The following DENND5A variants were observed in gnomAD, a reference collection of about 807,000 sequenced individuals.
DENND5A encodes the protein DENN domain containing 5A.
DENND5A carries 64 observed loss-of-function variants against 140.3 expected under a neutral mutation model. The ratio of observed to expected loss-of-function variants is 0.46; its 90% CI spans 0.37 to 0.56. The LOEUF is 0.56. DENND5A is among the 20% of genes least tolerant of loss of function. DENND5A has a pLI of 0.00. For missense variants in DENND5A, 1,292 were observed against 1,593.8 expected, an observed-to-expected ratio of 0.81 and a Z score of 3.22; for synonymous variants, 605 against 607.7, an observed-to-expected ratio of 1.00 and a Z score of 0.07.
Position 9,139,864 on chromosome 11 carries a change from C to T in DENND5A, c.3681-10G>A, listed in dbSNP as rs201358868. On this transcript the variant is annotated splice_polypyrimidine_tract_variant and intron_variant, in intron 22 of 22. Transcript: ENST00000328194. ...GTGTAGGAGGTGATCTCTGGCAGAG[C>T]GGGAGCAGTCCAGGCAGGTCAGAGG... 25 of 1,612,820 alleles carry T rather than the reference C, an allele frequency of 1.6e-5. No individual in the cohort carries two copies. Among genetic ancestry groups the T allele is most frequent in the African/African-American group, 1.5e-4 (11 of 74,854 alleles).
Position 9,178,273 on chromosome 11 carries a change from T to C in DENND5A, c.1765A>G (p.Ile589Val), listed in dbSNP as rs1488939951. The C allele has an allele frequency of 6.2e-7, 1 of 1,613,912 alleles. No homozygotes were observed. Among genetic ancestry groups the C allele is most frequent in the Non-Finnish European group, 8.5e-7 (1 of 1,179,832 alleles). The part of the protein sequence containing the change: ...QMFASFIDNK[I>V]MCHDDDDKDP... Reference sequence around the variant, plus strand: ...TTATCATCATCATCATGACACATTATTTTGTTGTCAATGAAAGATGCAAAC... The same window carrying C: ...TTATCATCATCATCATGACACATTACTTTGTTGTCAATGAAAGATGCAAAC... Residue 589 changes from isoleucine (I) to valine (V), a missense_variant, in exon 8 of 23, where the codon ATA becomes GTA. Ile to Val is a conservative substitution (Grantham distance 29). Around this residue, in one of 4 missense-constraint regions of DENND5A, gnomAD observed 199 missense variants for 189.1 expected, o/e 1.05. Transcript: ENST00000328194.
chr11:9,186,471 C>T (rs974302430), intron 5 of DENND5A, among the ~76,000 whole-genome samples: 3 of 152,172 alleles, frequency 2.0e-5, no homozygotes, highest in African/African-American at 7.2e-5. Context: ...CCTCAGTTAC[C>T]CTCTCCTCAG....
In DENND5A at chr11:9,151,287, T is replaced by C. The variant is rs552373611; in HGVS notation, c.2522-523A>G. Among the ~76,000 whole-genome samples the C allele has an allele frequency of 7.9e-5, 12 of 152,346 alleles. 1 individual carries two copies. In the South Asian group the frequency reaches 2.5e-3, roughly 32 times the overall value. On this transcript the variant is annotated intron_variant, in intron 13 of 22. Coordinates refer to ENST00000328194, the MANE Select transcript of DENND5A (RefSeq NM_015213.4). The stretch of plus-strand genomic sequence containing the variant: ...ACCTCTAGGAGAAGAGAAGATATAA[T>C]ACCTTTATATCCTCATGTCTGGCCT...
rs1849775607 is a variant in DENND5A, at chr11:9,208,822, C to T, written c.110-1190G>A. ...CCCTCAAAATACATTTGGTAATCTT[C>T]ACTAAAGACTGGCAAAAATCAGCAG... On this transcript the variant is annotated intron_variant, in intron 1 of 22. Transcript: ENST00000328194. Among the ~76,000 whole-genome samples, 3 of 92,266 alleles carry T rather than the reference C, an allele frequency of 3.3e-5. No homozygotes were observed. In the Admixed American group the frequency reaches 3.7e-4, roughly 11 times the overall value. The allele number at this position is 92,266 out of a possible 152,430, so 60.5% of individuals were successfully genotyped here.
At chr11:9,200,183 C>T (rs995797695) in intron 4 of DENND5A, among the ~76,000 whole-genome samples, 13 of 152,162 alleles carry the variant, frequency 8.5e-5, no homozygotes, top group East Asian at 3.9e-4. Context: ...CTTTCCTTGC[C>T]TCTAAACACC....
chr11:9,240,544 T>C (rs1009355881), intron 1 of DENND5A, among the ~76,000 whole-genome samples: 15 of 151,752 alleles, frequency 9.9e-5, no homozygotes, highest in African/African-American at 3.4e-4. Context: ...AACCCATCGC[T>C]AGAAAAAAGA....
intron 11 of DENND5A, among the ~76,000 whole-genome samples, chr11:9,163,968 C>T (rs762772188): frequency 1.4e-5 from 2 of 148,098 alleles, no homozygotes; most frequent in Non-Finnish European, 3.0e-5. Flanking sequence ...AGAAGTTTTA[C>T]ACAAACACAC....
rs1186327083 is a variant in DENND5A at position 9,193,612 on chromosome 11, A to C, written c.1019T>G (p.Val340Gly). The change falls in exon 5 of 23, where the codon GTC (valine) becomes GGC (glycine). Residue 340 changes from valine (V) to glycine (G), a missense_variant. This residue lies in a region of DENND5A where 566 missense variants were observed against 650.4 expected (regional missense o/e 0.87). Coordinates refer to ENST00000328194, the MANE Select transcript of DENND5A (RefSeq NM_015213.4). ...ALMFPFQWQHVYVPILPASLL... is the reference protein window; with the variant it reads ...ALMFPFQWQHGYVPILPASLL... ...AGAAGCTGGGAGAATAGGGACATAG[A>C]CATGCTGCCACTGGAAAGGAAACAT... is the stretch of plus-strand genomic sequence containing the variant. 3 of 1,613,984 alleles carry C rather than the reference A, an allele frequency of 1.9e-6. No homozygotes were observed. The highest frequency in any genetic ancestry group is 2.5e-6 in the Non-Finnish European group (3 of 1,179,998).
chr11:9,185,006 C>T (rs1260362479), intron 5 of DENND5A, among the ~76,000 whole-genome samples: 3 of 152,158 alleles, frequency 2.0e-5, no homozygotes, highest in African/African-American at 7.2e-5. Context: ...GCCTGACCAA[C>T]ATGGCGAAAC....
intron 8 of DENND5A, among the ~76,000 whole-genome samples, chr11:9,172,854 C>A (rs187985276): frequency 1.3e-5 from 2 of 151,946 alleles, no homozygotes; most frequent in African/African-American, 4.8e-5. Context: ...CTCATTCTGT[C>A]GCCCGGGCTA....
At chr11:9,159,719 T>G (rs997532458) in intron 12 of DENND5A, among the ~76,000 whole-genome samples, 10 of 152,246 alleles carry the variant, frequency 6.6e-5, no homozygotes, top group African/African-American at 2.4e-4. Context: ...AAGAACTGTT[T>G]AACATTTTGA....
intron 1 of DENND5A, among the ~76,000 whole-genome samples, chr11:9,219,207 G>A (rs1022116805): frequency 1.3e-5 from 2 of 152,086 alleles, no homozygotes; most frequent in African/African-American, 4.8e-5. Context: ...AACTGAAAGT[G>A]CTCTTCAAGG....
chr11:9,142,408 T>TG (rs1261251676), intron 21 of DENND5A, among the ~76,000 whole-genome samples: 2 of 152,228 alleles, frequency 1.3e-5, no homozygotes, highest in Non-Finnish European at 2.9e-5. Flanking sequence ...ACACAGGGCT[T>TG]GGGGCTCCAA....
At chr11:9,179,173 C>T (rs569287744) in intron 6 of DENND5A, 100 bp from the exon 7 acceptor site, 4 of 999,654 alleles carry the variant, frequency 4.0e-6, no homozygotes, top group Non-Finnish European at 6.0e-6. Flanking sequence ...TTTTACAGTG[C>T]TAATTTACTT....
rs1297357053 is a variant in DENND5A at position 9,197,438 on chromosome 11, G to A, written c.950-3757C>T. 2.7e-5 allele frequency among the ~76,000 whole-genome samples: 4 copies of A among 150,590 alleles called. No homozygotes were observed. The Admixed American group carries it at 2.7e-4, about 10-fold the overall frequency. ...GGGCTGAGTGCAGTGGCTCACGCCT[G>A]TAATCCCAACACTTTGGGAGGCCAA... On this transcript the variant is annotated intron_variant, in intron 4 of 22. Coordinates refer to ENST00000328194, the MANE Select transcript of DENND5A (RefSeq NM_015213.4).
At chr11:9,243,706 T>G (rs886645477) in intron 1 of DENND5A, among the ~76,000 whole-genome samples, 4 of 152,062 alleles carry the variant, frequency 2.6e-5, no homozygotes, top group African/African-American at 9.7e-5. Context: ...GCCAATATGG[T>G]GAAACCCTGT....
At chr11:9,225,607 A>C (rs1850498709) in intron 1 of DENND5A, among the ~76,000 whole-genome samples, 1 of 152,078 alleles carries the variant, frequency 6.6e-6, no homozygotes, top group Admixed American at 6.6e-5. Context: ...TAAAAATACA[A>C]AAAAAATCAG....
At chr11:9,167,107 A>ATG (rs1297689507) in intron 10 of DENND5A, among the ~76,000 whole-genome samples, 1 of 152,166 alleles carries the variant, frequency 6.6e-6, no homozygotes, top group African/African-American at 2.4e-5. Context: ...TCTTCTTCAT[A>ATG]TGTTGTTTAA....
In DENND5A at chr11:9,145,345, G is replaced by A; in HGVS notation, c.3004-232C>T. The stretch of plus-strand genomic sequence containing the variant: ...AGAAGAACAGGGTCAGGGAGCAAGA[G>A]ATTCTGGAAGTGGGTTCTGAGGTCT... On this transcript the variant is annotated intron_variant, in intron 17 of 22. Coordinates refer to ENST00000328194, the MANE Select transcript of DENND5A (RefSeq NM_015213.4). 5.1e-6 allele frequency: 3 copies of A among 587,600 alleles called. No homozygotes were observed. In the South Asian group the frequency reaches 6.5e-5, roughly 13 times the overall value. 36.4% of individuals were successfully genotyped at this position (587,600 alleles called of 1,614,324 possible).
Sources: gnomAD v4.1 joint callset for allele counts (sites outside exome capture counted in the v4.1 genomes callset) on GRCh38, gnomAD v4.1.1 for gene constraint, gnomAD v4.1.1 regional missense constraint, MANE v1.5 for transcripts, NCBI Gene and HGNC (gene_info 2026-07-23, HGNC 2026-07-21) for gene names.